UTRN: variants seen among roughly 807,000 people sequenced by gnomAD.
UTRN encodes utrophin.
A neutral mutation model predicts 463.9 loss-of-function variants in UTRN; 283 were observed. That is an observed-to-expected ratio of 0.61 (90% CI 0.55 to 0.67). The LOEUF (loss-of-function observed/expected upper bound fraction) is 0.67. UTRN is among the 30% of genes least tolerant of loss of function. The pLI, the probability that UTRN is intolerant of heterozygous loss-of-function variation, is 0.00. For synonymous variants in UTRN, 1,442 were observed against 1,431.5 expected (o/e 1.01, Z -0.17); for missense variants, 3,922 against 4,084.3 (o/e 0.96, Z 1.08).
At chr6:144,534,191 C>A (rs1420493688) in intron 43 of UTRN, among the ~76,000 whole-genome samples, 3 of 152,090 alleles carry the variant, frequency 2.0e-5, no homozygotes, top group Admixed American at 2.0e-4. Flanking sequence ...TGGTAAGAGA[C>A]AAATAATAAT....
intron 54 of UTRN, among the ~76,000 whole-genome samples, chr6:144,731,299 A>G (rs78252250): frequency 2.0e-5 from 3 of 152,192 alleles, no homozygotes; most frequent in Non-Finnish European, 4.4e-5. Context: ...ACTTAAGAGA[A>G]AATGTGTAAT....
chr6:144,499,572 T>A lies in UTRN; in HGVS notation c.4764+145T>A, dbSNP rs550853630. The A allele has an allele frequency of 1.4e-5, 7 of 497,370 alleles. No homozygotes were observed. The East Asian group carries it at 2.2e-4, about 16-fold the overall frequency. The allele number at this position is 497,370 out of a possible 1,614,324, so 30.8% of individuals were successfully genotyped here. A position where few individuals can be genotyped will look rare whatever the true frequency, so the allele number is the denominator to read the frequency against. On this transcript the variant is annotated intron_variant, in intron 34 of 74. Transcript: ENST00000367545. ...GCATTGTTTTTCCACTTCTCTGTCC[T>A]AAGAAAAAATATTTTAAAAATAATG...
chr6:144,822,949 A>G (rs557880373), intron 66 of UTRN, among the ~76,000 whole-genome samples: 1 of 152,278 alleles, frequency 6.6e-6, no homozygotes, highest in East Asian at 1.9e-4. Context: ...CTTTACAGGA[A>G]TCATGCAGAT....
intron 53 of UTRN, among the ~76,000 whole-genome samples, chr6:144,701,065 C>A (rs1784544537): frequency 6.6e-6 from 1 of 152,248 alleles, no homozygotes; most frequent in South Asian, 2.1e-4. Context: ...TGCCACCATG[C>A]CCGGCTAATT....
At position 144,827,398 on chromosome 6, in the gene UTRN, T is replaced by G. The variant is rs1383183984; in HGVS notation, c.9533+12T>G. The G allele has an allele frequency of 6.2e-7, 1 of 1,613,432 alleles. No homozygotes were observed. Among genetic ancestry groups the G allele is most frequent in the South Asian group, 1.1e-5 (1 of 91,072 alleles). On this transcript the variant is annotated intron_variant, in intron 67 of 74. Transcript: ENST00000367545. ...CCAGAGCACTATGAGTGAGTATTCA[T>G]AGCCCACGTGCAGGAGAGGTGTTCT...
At position 144,453,869 on chromosome 6, in the gene UTRN, G is replaced by T. The variant is rs777375106; in HGVS notation, c.2284G>T (p.Glu762Ter). The T allele has an allele frequency of 6.2e-7, 1 of 1,611,364 alleles. No individual in the cohort carries two copies. The highest frequency in any genetic ancestry group is 1.7e-5 in the Admixed American group (1 of 59,824). ...AATCCTTGTGGAGCAAATGGGAAAA[G>T]GTAAGATCCTTGATTTTTTTCCCCT... Reference protein sequence around the residue: ...GQILVEQMGKEGLPTEEIKNV... With the variant: ...GQILVEQMGK Residue 762 changes from glutamate (E) to a stop codon, truncating the protein, a stop_gained and splice_region_variant, in exon 19 of 75, where the codon GAA becomes TAA. Transcript: ENST00000367545. LOFTEE classifies it high-confidence loss of function.
intron 25 of UTRN, among the ~76,000 whole-genome samples, chr6:144,479,153 C>G (rs956631700): frequency 1.5e-5 from 2 of 130,014 alleles, no homozygotes; most frequent in African/African-American, 6.0e-5. Context: ...GAGTCTCGCT[C>G]TGTTCCCTGG....
At chr6:144,758,060 C>A (rs1490735794) in intron 58 of UTRN, 71 bp downstream of exon 58, 1 of 1,343,474 alleles carries the variant, frequency 7.4e-7, no homozygotes, top group Non-Finnish European at 1.0e-6. Context: ...AGAGGCTTCT[C>A]TCCCCATAAC....
At chr6:144,698,415 T>G (rs1784233210) in intron 52 of UTRN, among the ~76,000 whole-genome samples, 1 of 152,274 alleles carries the variant, frequency 6.6e-6, no homozygotes, top group African/African-American at 2.4e-5. Flanking sequence ...AACTTCGTTC[T>G]GTATTTAAAC....
At chr6:144,850,122 G>A (rs887925073) in intron 74 of UTRN, among the ~76,000 whole-genome samples, 3 of 152,168 alleles carry the variant, frequency 2.0e-5, no homozygotes, top group African/African-American at 7.2e-5. Flanking sequence ...AAATGGAGAA[G>A]CAAGTGTCTG....
chr6:144,651,453 G>A (rs1778810043), intron 51 of UTRN, among the ~76,000 whole-genome samples: 2 of 152,126 alleles, frequency 1.3e-5, no homozygotes, highest in Non-Finnish European at 1.5e-5. Context: ...CTAGATAAGT[G>A]TCATAAAGGA....
intron 39 of UTRN, 44 bp from the exon 40 acceptor site, chr6:144,521,936 G>GATAT (rs371296883): frequency 4.2e-5 from 35 of 842,024 alleles, no homozygotes; most frequent in Non-Finnish European, 4.4e-5. Flanking sequence ...TATTTTAAGA[G>GATAT]ATATATATAT....
chr6:144,350,290 T>C (rs971209732), intron 2 of UTRN, among the ~76,000 whole-genome samples: 2 of 152,142 alleles, frequency 1.3e-5, no homozygotes, highest in Non-Finnish European at 2.9e-5. Context: ...AAATGAAAAT[T>C]CTACAAAGTA....
intron 2 of UTRN, among the ~76,000 whole-genome samples, chr6:144,327,705 A>G (rs1412225737): frequency 6.6e-6 from 1 of 152,240 alleles, no homozygotes; most frequent in East Asian, 1.9e-4. Context: ...GCGCTTTGGG[A>G]GGCCGAGTGG....
chr6:144,722,181 C>T (rs1263821378), intron 53 of UTRN, among the ~76,000 whole-genome samples: 1 of 152,214 alleles, frequency 6.6e-6, no homozygotes, highest in African/African-American at 2.4e-5. Context: ...CACCCTCATT[C>T]TTCACTCACT....
chr6:144,317,240 T>C (rs748029188), intron 2 of UTRN, among the ~76,000 whole-genome samples: 1 of 152,162 alleles, frequency 6.6e-6, no homozygotes, highest in Non-Finnish European at 1.5e-5. Flanking sequence ...TTCAGCTACA[T>C]GTGATAATCT....
chr6:144,438,286 A>T (rs1786785658), intron 11 of UTRN, among the ~76,000 whole-genome samples: 1 of 152,230 alleles, frequency 6.6e-6, no homozygotes, highest in African/African-American at 2.4e-5. Context: ...AAGACATTTC[A>T]TAGGGGCAGT....
intron 65 of UTRN, among the ~76,000 whole-genome samples, chr6:144,815,224 T>C (rs1778973156): frequency 6.6e-6 from 1 of 152,232 alleles, no homozygotes; most frequent in Non-Finnish European, 1.5e-5. Flanking sequence ...TTCATGATAC[T>C]GAAAATTAGT....
chr6:144,460,521 A>T (rs935413325), intron 21 of UTRN, among the ~76,000 whole-genome samples: 1 of 152,200 alleles, frequency 6.6e-6, no homozygotes, highest in African/African-American at 2.4e-5. Context: ...TATGTGAAAT[A>T]TGTCTTTGAG....
Sources: gnomAD v4.1 joint callset for allele counts (sites outside exome capture counted in the v4.1 genomes callset) on GRCh38, gnomAD v4.1.1 for gene constraint, MANE v1.5 for transcripts, NCBI Gene and HGNC (gene_info 2026-07-23, HGNC 2026-07-21) for gene names.